Variants in UFM1 observed in about 807,000 individuals in gnomAD.
UFM1 encodes the protein ubiquitin-fold modifier 1.
Under a neutral mutation model 15.4 loss-of-function variants are expected in UFM1, and 9 were observed. The observed-to-expected ratio is 0.59, with a 90% CI of 0.35 to 1.02. UFM1 has a LOEUF of 1.02. Among genes scored for constraint, UFM1 ranks in the 50% least tolerant of loss-of-function variants. The pLI is 0.02. For synonymous variants in UFM1, 27 were observed against 36.3 expected (o/e 0.74, Z 0.92); for missense variants, 98 against 104.7 (o/e 0.94, Z 0.28).
Position 38,358,069 on chromosome 13 carries a change from ATATTT to A in UFM1, c.118-22_118-18del, listed in dbSNP as rs1403184373. 1 of 969,064 alleles carries A rather than the reference ATATTT, an allele frequency of 1.0e-6. No individual in the cohort carries two copies. The highest frequency in any genetic ancestry group is 3.5e-4 in the Middle Eastern group (1 of 2,818). The allele number at this position is 969,064 out of a possible 1,614,324, so 60.0% of individuals were successfully genotyped here. A position where few individuals can be genotyped will look rare whatever the true frequency, so the allele number is the denominator to read the frequency against. On this transcript the variant is annotated intron_variant, in intron 3 of 5. Coordinates refer to ENST00000239878, the MANE Select transcript of UFM1 (RefSeq NM_016617.4). ...TGTGTGTGTGTGTGTATATATATAT[ATATTT>A]TTTTTTCCTTCTATTTAGTTTAAAG...
At chr13:38,350,357 C>T (rs1003567962) in intron 2 of UFM1, 1 of 965,038 alleles carries the variant, frequency 1.0e-6, no homozygotes, top group Non-Finnish European at 1.6e-6. Flanking sequence ...ACAGGTGGAC[C>T]AGGTTCTGGT....
rs540219737 is a variant in UFM1, at chr13:38,350,690, A to G, written c.59+635A>G. On this transcript the variant is annotated intron_variant, in intron 2 of 5. Coordinates refer to ENST00000239878, the MANE Select transcript of UFM1 (RefSeq NM_016617.4). ...TTTACTTATCCTTCGCAGTTGAGTG[A>G]TAGATTTTAAGTAAACACTCTTGAG... Among the ~76,000 whole-genome samples, 6 of 152,306 alleles carry G rather than the reference A, an allele frequency of 3.9e-5. No homozygotes were observed. In the East Asian group the frequency reaches 1.2e-3, roughly 29 times the overall value.
At chr13:38,359,002 C>T (rs1434775706) in intron 4 of UFM1, among the ~76,000 whole-genome samples, 4 of 151,950 alleles carry the variant, frequency 2.6e-5, no homozygotes, top group African/African-American at 9.7e-5. Flanking sequence ...AAAGGACAAA[C>T]ATTATTTTTA....
At chr13:38,352,161 T>C (rs1365477308) in intron 2 of UFM1, among the ~76,000 whole-genome samples, 1 of 149,184 alleles carries the variant, frequency 6.7e-6, no homozygotes, top group Admixed American at 6.8e-5. Context: ...TGGAGTGCAG[T>C]GGCACGATCT....
intron 2 of UFM1, among the ~76,000 whole-genome samples, chr13:38,351,468 T>A (rs1313038497): frequency 3.3e-5 from 5 of 152,226 alleles, no homozygotes; most frequent in Non-Finnish European, 7.3e-5. Context: ...TTCTATCATC[T>A]TTACACCAAT....
intron 2 of UFM1, chr13:38,350,313 C>A: frequency 7.1e-7 from 1 of 1,402,406 alleles, no homozygotes; most frequent in Non-Finnish European, 9.8e-7. Context: ...GACCTCCCCT[C>A]GGAATTCATT....
chr13:38,359,917 G>T, intron 5 of UFM1: 1 of 208,586 alleles, frequency 4.8e-6, no homozygotes, highest in Non-Finnish European at 9.8e-6. Flanking sequence ...AATCTCTTAG[G>T]CTTATAATCT....
chr13:38,354,350 C>T (rs1879001155), intron 3 of UFM1, 54 bp downstream of exon 3: 8 of 1,522,172 alleles, frequency 5.3e-6, no homozygotes, highest in Non-Finnish European at 7.2e-6. Flanking sequence ...CAATATGCTT[C>T]AAATGTCTTT....
chr13:38,355,205 T>G (rs1879042848), intron 3 of UFM1, among the ~76,000 whole-genome samples: 1 of 152,020 alleles, frequency 6.6e-6, no homozygotes, highest in Admixed American at 6.6e-5. Flanking sequence ...CTTCACTGAT[T>G]TATGGCAAGT....
intron 3 of UFM1, among the ~76,000 whole-genome samples, chr13:38,355,126 T>A (rs1200522467): frequency 6.6e-6 from 1 of 152,026 alleles, no homozygotes; most frequent in Non-Finnish European, 1.5e-5. Context: ...GAAAAGTTTA[T>A]AGTCACAGAA....
At position 38,362,257 on chromosome 13, in the gene UFM1, A is replaced by G. The variant is rs1879438059; in HGVS notation, c.*1479A>G. On this transcript the variant is annotated 3_prime_UTR_variant, in exon 6 of 6. Coordinates refer to ENST00000239878, the MANE Select transcript of UFM1 (RefSeq NM_016617.4). ...AGCATGTTTCAGTATCTTCTCTATC[A>G]TAGGCCCTAAGTTCATTGGGGGAAA... 6.6e-6 allele frequency: 1 copy of G among 152,106 alleles called. No individual in the cohort carries two copies. Among genetic ancestry groups the G allele is most frequent in the Admixed American group, 6.5e-5 (1 of 15,276 alleles). The allele number at this position is 152,106 out of a possible 1,614,324, so 9.4% of individuals were successfully genotyped here.
intron 2 of UFM1, among the ~76,000 whole-genome samples, chr13:38,351,014 C>T (rs1335474304): frequency 1.3e-5 from 2 of 152,208 alleles, no homozygotes; most frequent in Non-Finnish European, 2.9e-5. Flanking sequence ...TACATTCTCT[C>T]CTACATGATT....
rs905600072 is a variant in UFM1 at position 38,350,355 on chromosome 13, A to G, written c.59+300A>G. ...GCAGGTGGCGCGGGAGGACAGGTGG[A>G]CCAGGTTCTGGTAATTTGTTGGGAT... On this transcript the variant is annotated intron_variant, in intron 2 of 5. Transcript: ENST00000239878. 10 of 983,030 alleles carry G rather than the reference A, an allele frequency of 1.0e-5. No individual in the cohort carries two copies. The African/African-American group carries it at 1.4e-4, about 14-fold the overall frequency. 60.9% of individuals were successfully genotyped at this position (983,030 alleles called of 1,614,324 possible).
At chr13:38,352,079 A>G (rs1222067228) in intron 2 of UFM1, among the ~76,000 whole-genome samples, 2 of 149,260 alleles carry the variant, frequency 1.3e-5, no homozygotes, top group East Asian at 4.0e-4. Context: ...ACCTCTATGA[A>G]GTTTGTTTTT....
In UFM1 at chr13:38,361,455, C is replaced by T. The variant is rs1268638757; in HGVS notation, c.*677C>T. 1 of 152,142 alleles carries T rather than the reference C, an allele frequency of 6.6e-6. No homozygotes were observed. Among genetic ancestry groups the T allele is most frequent in the Non-Finnish European group, 1.5e-5 (1 of 68,016 alleles). The allele number at this position is 152,142 out of a possible 1,614,324, so 9.4% of individuals were successfully genotyped here. A position where few individuals can be genotyped will look rare whatever the true frequency, so the allele number is the denominator to read the frequency against. On this transcript the variant is annotated 3_prime_UTR_variant, in exon 6 of 6. Transcript: ENST00000239878. Reference sequence around the variant, plus strand: ...CAGTACTTTTAATGGTGGGAATTTACAGTAGAAGCATCCTTTGCTGAGTTA... The same window carrying T: ...CAGTACTTTTAATGGTGGGAATTTATAGTAGAAGCATCCTTTGCTGAGTTA...
rs115186945 is a variant in UFM1, at chr13:38,363,296, T to C, written c.*2518T>C. On this transcript the variant is annotated 3_prime_UTR_variant, in exon 6 of 6. Transcript: ENST00000239878. Reference sequence around the variant, plus strand: ...TACAGTATTAGGTACAGTAACATGCTCTACAGGTTTGTAGCCTAGGAGCAA... The same window carrying C: ...TACAGTATTAGGTACAGTAACATGCCCTACAGGTTTGTAGCCTAGGAGCAA... 1 of 152,174 alleles carries C rather than the reference T, an allele frequency of 6.6e-6. No individual in the cohort carries two copies. Among genetic ancestry groups the C allele is most frequent in the Non-Finnish European group, 1.5e-5 (1 of 68,034 alleles). 9.4% of individuals were successfully genotyped at this position (152,174 alleles called of 1,614,324 possible).
chr13:38,363,225 A>T lies in UFM1; in HGVS notation c.*2447A>T, dbSNP rs199518286. Reference sequence around the variant, plus strand: ...TATTACTATATTTTTACTGTGCTTTATCTATGTTTGGATACACAAGTACTT... The same window carrying T: ...TATTACTATATTTTTACTGTGCTTTTTCTATGTTTGGATACACAAGTACTT... On this transcript the variant is annotated 3_prime_UTR_variant, in exon 6 of 6. Coordinates refer to ENST00000239878, the MANE Select transcript of UFM1 (RefSeq NM_016617.4). 1 of 152,228 alleles carries T rather than the reference A, an allele frequency of 6.6e-6. No individual in the cohort carries two copies. The highest frequency in any genetic ancestry group is 1.9e-4 in the East Asian group (1 of 5,204). The allele number at this position is 152,228 out of a possible 1,614,324, so 9.4% of individuals were successfully genotyped here. A position where few individuals can be genotyped will look rare whatever the true frequency, so the allele number is the denominator to read the frequency against.
intron 5 of UFM1, among the ~76,000 whole-genome samples, chr13:38,360,341 T>A (rs763441853): frequency 1.1e-4 from 16 of 152,056 alleles, no homozygotes; most frequent in Non-Finnish European, 1.9e-4. Context: ...ATCAGGCAAT[T>A]GACCCCAAAT....
intron 2 of UFM1, among the ~76,000 whole-genome samples, chr13:38,350,561 C>T (rs1227634034): frequency 6.6e-6 from 1 of 152,148 alleles, no homozygotes; most frequent in Non-Finnish European, 1.5e-5. Context: ...TCGGGCATCA[C>T]AAAGTAATGA....
Sources: allele counts gnomAD v4.1 joint callset (sites outside exome capture counted in the v4.1 genomes callset), GRCh38; gene constraint gnomAD v4.1.1; transcripts MANE v1.5; gene names NCBI Gene and HGNC (gene_info 2026-07-23, HGNC 2026-07-21).